The following AMER3 variants were observed in gnomAD, a reference collection of about 807,000 sequenced individuals.
AMER3 encodes the protein family with sequence similarity 123C.
For synonymous variants in AMER3, 541 were observed against 485.5 expected (o/e 1.11, Z -1.50); for missense variants, 1,201 against 1,139.4 (o/e 1.05, Z -0.78).
At chr2:130,757,854 C>T (rs1338931106) in intron 1 of AMER3, among the ~76,000 whole-genome samples, 3 of 152,186 alleles carry the variant, frequency 2.0e-5, no homozygotes, top group Admixed American at 2.0e-4. Flanking sequence ...GCACATAGGC[C>T]GGGAGCGGTG....
In AMER3 at chr2:130,762,657, G is replaced by T. The variant is rs767185585; in HGVS notation, c.585G>T (p.Gly195=). 2 of 1,611,382 alleles carry T rather than the reference G, an allele frequency of 1.2e-6. No homozygotes were observed. The highest frequency in any genetic ancestry group is 1.7e-6 in the Non-Finnish European group (2 of 1,179,836). Residue 195 remains glycine (G), a synonymous_variant, in exon 2 of 2, where the codon GGG becomes GGT. Coordinates refer to ENST00000321420, the MANE Select transcript of AMER3 (RefSeq NM_152698.3). ...PSPGDPSDPG[G]RRSKAFLPPG... ...CAGGGGACCCGTCAGACCCTGGGGG[G>T]CGGCGAAGCAAAGCCTTCCTCCCCC...
chr2:130,764,251 A>G lies in AMER3; in HGVS notation c.2179A>G (p.Ser727Gly), dbSNP rs1378972780. ...GCAGAAACAGTCCAGCAGCTCCCCC[A>G]GCATGACCACCATCCATGGCCTACC... ...LEQKQSSSSPSMTTIHGLPYS... is the reference protein window; with the variant it reads ...LEQKQSSSSPGMTTIHGLPYS... Residue 727 changes from serine (S) to glycine (G), a missense_variant, in exon 2 of 2, where the codon AGC becomes GGC. Ser to Gly is a moderately conservative substitution (Grantham distance 56, BLOSUM62 0). Coordinates refer to ENST00000321420, the MANE Select transcript of AMER3 (RefSeq NM_152698.3). The G allele has an allele frequency of 6.2e-7, 1 of 1,610,366 alleles. No homozygotes were observed.
Position 130,764,287 on chromosome 2 carries a change from A to G in AMER3, c.2215A>G (p.Ser739Gly), listed in dbSNP as rs746462252. 5 of 1,608,970 alleles carry G rather than the reference A, an allele frequency of 3.1e-6. No homozygotes were observed. Among genetic ancestry groups the G allele is most frequent in the Non-Finnish European group, 4.2e-6 (5 of 1,177,070 alleles). The change falls in exon 2 of 2, where the codon AGC (serine) becomes GGC (glycine). Residue 739 changes from serine (S) to glycine (G), a missense_variant. Physicochemically the swap from Ser to Gly is moderately conservative, Grantham distance 56. Coordinates refer to ENST00000321420, the MANE Select transcript of AMER3 (RefSeq NM_152698.3). ...TTIHGLPYSA[S>G]TQDQRCRDRV... ...CATCCATGGCCTACCCTACTCAGCC[A>G]GCACACAGGACCAGAGGTGTCGAGA...
chr2:130,766,125 G>T lies in AMER3; in HGVS notation c.*1467G>T, dbSNP rs1272052318. The T allele has an allele frequency of 6.0e-6, 1 of 166,960 alleles. No individual in the cohort carries two copies. Among genetic ancestry groups the T allele is most frequent in the African/African-American group, 2.4e-5 (1 of 41,458 alleles). The allele number at this position is 166,960 out of a possible 1,614,324, so 10.3% of individuals were successfully genotyped here. On this transcript the variant is annotated 3_prime_UTR_variant, in exon 2 of 2. Transcript: ENST00000321420. ...GATGTTAGGGATTTGAAACTTTAGA[G>T]ATTTGCGTCTTTCAGTATTTCAATG...
rs1210062655 is a variant in AMER3 at position 130,762,456 on chromosome 2, C to T, written c.384C>T (p.Asp128=). 4.3e-6 allele frequency: 7 copies of T among 1,612,912 alleles called. No individual in the cohort carries two copies. The highest frequency in any genetic ancestry group is 2.5e-6 in the Non-Finnish European group (3 of 1,179,992). The change falls in exon 2 of 2, where the codon GAC becomes GAT. Residue 128 remains aspartate, a synonymous_variant. Coordinates refer to ENST00000321420, the MANE Select transcript of AMER3 (RefSeq NM_152698.3). ...PGSPGSRRMI[D]YRHFVPQMPF... ...CCCCGGGCAGCCGGCGCATGATCGA[C>T]TACCGCCACTTTGTGCCCCAGATGC...
In AMER3 at chr2:130,758,446, G is replaced by A. The variant is rs547701506; in HGVS notation, c.-20+2772G>A. On this transcript the variant is annotated intron_variant, in intron 1 of 1. Coordinates refer to ENST00000321420, the MANE Select transcript of AMER3 (RefSeq NM_152698.3). Reference sequence around the variant, plus strand: ...AGAAAGAAGGAGGGAGGGAAGGAAGGAAAGAAGGAAGGAAGGAAGGAGAGA... The same window carrying A: ...AGAAAGAAGGAGGGAGGGAAGGAAGAAAAGAAGGAAGGAAGGAAGGAGAGA... Among the ~76,000 whole-genome samples the A allele has an allele frequency of 5.3e-5, 8 of 151,590 alleles. No homozygotes were observed. In the South Asian group the frequency reaches 1.7e-3, roughly 32 times the overall value.
chr2:130,760,152 C>T (rs962473286), intron 1 of AMER3, among the ~76,000 whole-genome samples: 4 of 152,244 alleles, frequency 2.6e-5, no homozygotes, highest in Non-Finnish European at 5.9e-5. Flanking sequence ...CCACTAGCAA[C>T]AGCTGAGCTG....
At chr2:130,759,643 A>T (rs1311086905) in intron 1 of AMER3, among the ~76,000 whole-genome samples, 2 of 152,144 alleles carry the variant, frequency 1.3e-5, no homozygotes, top group African/African-American at 4.8e-5. Flanking sequence ...CTTCACTTTC[A>T]TTGTGTTTTA....
intron 1 of AMER3, among the ~76,000 whole-genome samples, chr2:130,760,462 G>C (rs184355805): frequency 1.3e-5 from 2 of 152,354 alleles, no homozygotes; most frequent in Non-Finnish European, 2.9e-5. Flanking sequence ...GGTGGGGTGT[G>C]AAAGGCACAC....
chr2:130,757,367 T>C (rs1034509971), intron 1 of AMER3, among the ~76,000 whole-genome samples: 1 of 152,206 alleles, frequency 6.6e-6, no homozygotes, highest in Non-Finnish European at 1.5e-5. Context: ...TAAACCCTGC[T>C]TGGGCTCCTA....
chr2:130,764,284 G>A lies in AMER3; in HGVS notation c.2212G>A (p.Ala738Thr). The part of the protein sequence containing the change: ...MTTIHGLPYS[A>T]STQDQRCRDR... ...CACCATCCATGGCCTACCCTACTCA[G>A]CCAGCACACAGGACCAGAGGTGTCG... Residue 738 changes from alanine (A) to threonine (T), a missense_variant, in exon 2 of 2, where the codon GCC becomes ACC. Transcript: ENST00000321420. 5 of 1,609,216 alleles carry A rather than the reference G, an allele frequency of 3.1e-6. No homozygotes were observed. The highest frequency in any genetic ancestry group is 4.2e-6 in the Non-Finnish European group (5 of 1,177,334).
In AMER3 at chr2:130,763,834, G is replaced by A. The variant is rs773805721; in HGVS notation, c.1762G>A (p.Ala588Thr). ...LAGESKALGGATQGTGTLSRD... is the reference protein window; with the variant it reads ...LAGESKALGGTTQGTGTLSRD... ...CGGAGAGAGCAAGGCCCTCGGAGGG[G>A]CCACACAAGGGACTGGCACACTGTC... is the stretch of plus-strand genomic sequence containing the variant. The change falls in exon 2 of 2, where the codon GCC (alanine) becomes ACC (threonine). Residue 588 changes from alanine to threonine, a missense_variant. Ala to Thr is a moderately conservative substitution (Grantham distance 58, BLOSUM62 0). Coordinates refer to ENST00000321420, the MANE Select transcript of AMER3 (RefSeq NM_152698.3). 5.6e-6 allele frequency: 9 copies of A among 1,613,222 alleles called. No individual in the cohort carries two copies. The highest frequency in any genetic ancestry group is 3.3e-5 in the Admixed American group (2 of 60,018).
chr2:130,765,407 CAT>C lies in AMER3; in HGVS notation c.*752_*753del, dbSNP rs1678955781. ...GTGCACCTCGCTTTATACTTGCAGT[CAT>C]ATCATGACCAACAACCTAAGTCTTT... On this transcript the variant is annotated 3_prime_UTR_variant, in exon 2 of 2. Coordinates refer to ENST00000321420, the MANE Select transcript of AMER3 (RefSeq NM_152698.3). 6.0e-6 allele frequency: 1 copy of C among 167,022 alleles called. No individual in the cohort carries two copies. The highest frequency in any genetic ancestry group is 2.1e-4 in the South Asian group (1 of 4,836). 10.3% of individuals were successfully genotyped at this position (167,022 alleles called of 1,614,324 possible).
chr2:130,757,731 T>A (rs946281501), intron 1 of AMER3, among the ~76,000 whole-genome samples: 2 of 152,226 alleles, frequency 1.3e-5, no homozygotes, highest in Admixed American at 6.5e-5. Context: ...TGTAACAGAA[T>A]TAATTAAGTA....
In AMER3 at chr2:130,762,770, C is replaced by A; in HGVS notation, c.698C>A (p.Ala233Asp). Residue 233 changes from alanine (A) to aspartate (D), a missense_variant, in exon 2 of 2, where the codon GCC (alanine) becomes GAC (aspartate). Ala to Asp is a moderately radical substitution (Grantham distance 126). Coordinates refer to ENST00000321420, the MANE Select transcript of AMER3 (RefSeq NM_152698.3). Reference protein sequence around the residue: ...LADASFGLCRALCEDVASLQS... With the variant: ...LADASFGLCRDLCEDVASLQS... ...GATGCATCCTTTGGTCTCTGCAGGG[C>A]CCTGTGTGAGGACGTGGCCTCACTC... is the stretch of plus-strand genomic sequence containing the variant. 6.2e-7 allele frequency: 1 copy of A among 1,611,294 alleles called. No individual in the cohort carries two copies. The highest frequency in any genetic ancestry group is 1.3e-5 in the African/African-American group (1 of 75,022).
rs1230375676 is a variant in AMER3 at position 130,763,576 on chromosome 2, C to T, written c.1504C>T (p.Leu502Phe). The part of the protein sequence containing the change: ...ECLLKLCDTE[L>F]AITMGIVSWL... Reference sequence around the variant, plus strand: ...CCTGCTGAAGCTGTGTGACACTGAGCTCGCCATCACCATGGGCATCGTCAG... The same window carrying T: ...CCTGCTGAAGCTGTGTGACACTGAGTTCGCCATCACCATGGGCATCGTCAG... The change falls in exon 2 of 2, where the codon CTC becomes TTC. Residue 502 changes from leucine to phenylalanine, a missense_variant. Leu to Phe is a conservative substitution (Grantham distance 22, BLOSUM62 0). Coordinates refer to ENST00000321420, the MANE Select transcript of AMER3 (RefSeq NM_152698.3). 1 of 1,611,256 alleles carries T rather than the reference C, an allele frequency of 6.2e-7. No homozygotes were observed.
At position 130,762,552 on chromosome 2, in the gene AMER3, T is replaced by C. The variant is rs1258110616; in HGVS notation, c.480T>C (p.Phe160=). 6.2e-7 allele frequency: 1 copy of C among 1,613,472 alleles called. No homozygotes were observed. Among genetic ancestry groups the C allele is most frequent in the Admixed American group, 1.7e-5 (1 of 60,032 alleles). Reference sequence around the variant, plus strand: ...CCCTGAAGAGGCCCAAGAAGTGCTTTCGGAACCTATTCCACATTCGGAGAA... The same window carrying C: ...CCCTGAAGAGGCCCAAGAAGTGCTTCCGGAACCTATTCCACATTCGGAGAA... The part of the protein sequence containing the change: ...RISLKRPKKC[F]RNLFHIRRNK... Residue 160 remains phenylalanine (F), a synonymous_variant, in exon 2 of 2, where the codon TTT becomes TTC. Coordinates refer to ENST00000321420, the MANE Select transcript of AMER3 (RefSeq NM_152698.3).
At position 130,764,458 on chromosome 2, in the gene AMER3, CGCTCAGCCCCT is replaced by C. The variant is rs1372436714; in HGVS notation, c.2390_2400del (p.Ser797CysfsTer40). 6.2e-7 allele frequency: 1 copy of C among 1,600,344 alleles called. No homozygotes were observed. Among genetic ancestry groups the C allele is most frequent in the Non-Finnish European group, 8.5e-7 (1 of 1,174,188 alleles). On this transcript the variant is annotated frameshift_variant, in exon 2 of 2. Coordinates refer to ENST00000321420, the MANE Select transcript of AMER3 (RefSeq NM_152698.3). LOFTEE classifies it low-confidence loss of function (END_TRUNC). ...CGGCAGCCAGCTGGACTCTGAGCCC[CGCTCAGCCCCT>C]GCTGCCCGGTGGAGTTCCCAGGGCC...
Position 130,763,617 on chromosome 2 carries a change from CCCCA to C in AMER3, c.1547_1550del (p.Pro516ArgfsTer167), listed in dbSNP as rs753042159. 1 of 1,568,806 alleles carries C rather than the reference CCCCA, an allele frequency of 6.4e-7. No homozygotes were observed. Among genetic ancestry groups the C allele is most frequent in the Non-Finnish European group, 8.6e-7 (1 of 1,159,096 alleles). On this transcript the variant is annotated frameshift_variant, in exon 2 of 2. Coordinates refer to ENST00000321420, the MANE Select transcript of AMER3 (RefSeq NM_152698.3). LOFTEE classifies it low-confidence loss of function (END_TRUNC). The stretch of plus-strand genomic sequence containing the variant: ...GCATCGTCAGCTGGCTGCGCCGAGG[CCCCA>C]CGCCCCGTGCCCCACCCACCCCTGG...
Sources: gnomAD v4.1 joint callset for allele counts (sites outside exome capture counted in the v4.1 genomes callset) on GRCh38, gnomAD v4.1.1 for gene constraint, MANE v1.5 for transcripts, NCBI Gene and HGNC (gene_info 2026-07-23, HGNC 2026-07-21) for gene names.